PARPBP: variants seen among roughly 807,000 people sequenced by gnomAD.
PARPBP encodes PARP1 binding protein, also known as PCNA-interacting partner.
PARPBP carries 52 observed loss-of-function variants against 50.0 expected under a neutral mutation model. The ratio of observed to expected loss-of-function variants is 1.04; its 90% CI spans 0.83 to 1.31. The LOEUF is 1.31. Among genes scored for constraint, PARPBP ranks in the 50% most tolerant of loss-of-function variants. The pLI, the probability that PARPBP is intolerant of heterozygous loss-of-function variation, is 0.00. For synonymous variants in PARPBP, 244 were observed against 232.1 expected, an observed-to-expected ratio of 1.05 and a Z score of -0.47; for missense variants, 697 against 672.0, an observed-to-expected ratio of 1.04 and a Z score of -0.41.
At chr12:102,140,689 G>T (rs989206626) in intron 2 of PARPBP, among the ~76,000 whole-genome samples, 1 of 152,114 alleles carries the variant, frequency 6.6e-6, no homozygotes, top group Non-Finnish European at 1.5e-5. Flanking sequence ...TTGTGTCTTT[G>T]TTCTTATTGG....
intron 2 of PARPBP, among the ~76,000 whole-genome samples, chr12:102,143,237 A>T (rs1884893018): frequency 6.6e-6 from 1 of 152,126 alleles, no homozygotes; most frequent in South Asian, 2.1e-4. Flanking sequence ...TCTCAGACTA[A>T]TGTGCTAGCA....
At chr12:102,142,349 G>A (rs182430932) in intron 2 of PARPBP, among the ~76,000 whole-genome samples, 5 of 152,198 alleles carry the variant, frequency 3.3e-5, no homozygotes, top group South Asian at 4.2e-4. Flanking sequence ...GTCATTTAAG[G>A]TATTCTCTAC....
chr12:102,169,940 A>G (rs1212932753), intron 6 of PARPBP, among the ~76,000 whole-genome samples: 2 of 152,196 alleles, frequency 1.3e-5, no homozygotes, highest in African/African-American at 4.8e-5. Flanking sequence ...GTATCTGAGG[A>G]AAAGTTTATA....
intron 2 of PARPBP, among the ~76,000 whole-genome samples, chr12:102,136,946 G>GT (rs1050866066): frequency 1.8e-4 from 27 of 151,398 alleles, no homozygotes; most frequent in African/African-American, 5.3e-4. Flanking sequence ...TTTGTTTTGT[G>GT]TTTTTTTTGT....
intron 2 of PARPBP, among the ~76,000 whole-genome samples, chr12:102,135,899 T>C (rs577272083): frequency 1.1e-4 from 16 of 152,324 alleles, no homozygotes; most frequent in African/African-American, 3.6e-4. Context: ...CTTTTCTCCA[T>C]TTTACCTACT....
At chr12:102,122,835 T>C (rs774441072) in intron 1 of PARPBP, among the ~76,000 whole-genome samples, 3 of 152,364 alleles carry the variant, frequency 2.0e-5, no homozygotes, top group Non-Finnish European at 2.9e-5. Context: ...TGGACACTTA[T>C]GACAGTCGAG....
At chr12:102,120,894 T>C (rs1473950804) in intron 1 of PARPBP, among the ~76,000 whole-genome samples, 1 of 152,102 alleles carries the variant, frequency 6.6e-6, no homozygotes, top group African/African-American at 2.4e-5. Context: ...GACTCGGAAG[T>C]GTAGTTCTTT....
At chr12:102,138,738 A>G (rs920363461) in intron 2 of PARPBP, among the ~76,000 whole-genome samples, 2 of 152,210 alleles carry the variant, frequency 1.3e-5, no homozygotes, top group African/African-American at 2.4e-5. Context: ...CATTTATTAA[A>G]TAGGGAATCT....
At chr12:102,180,683 T>G (rs2136905782) in intron 8 of PARPBP, among the ~76,000 whole-genome samples, 1 of 152,316 alleles carries the variant, frequency 6.6e-6, no homozygotes, top group Middle Eastern at 3.4e-3. Context: ...ATTGCACCAC[T>G]GCACTCTCTC....
At chr12:102,164,826 A>G (rs1887973724) in intron 5 of PARPBP, 2 of 577,006 alleles carry the variant, frequency 3.5e-6, no homozygotes, top group South Asian at 4.1e-5. Context: ...TGTTCTGTAT[A>G]GTGCTAGCCC....
intron 3 of PARPBP, 187 bp downstream of exon 3, chr12:102,148,650 C>T: frequency 2.2e-6 from 1 of 444,566 alleles, no homozygotes; most frequent in Non-Finnish European, 3.9e-6. Context: ...GGTAAATTTT[C>T]TTGGACTTGT....
chr12:102,172,900 C>T (rs889088706), intron 6 of PARPBP, among the ~76,000 whole-genome samples: 5 of 152,172 alleles, frequency 3.3e-5, no homozygotes, highest in African/African-American at 1.2e-4. Flanking sequence ...GGCTACATTT[C>T]ATCCAGTTCA....
intron 4 of PARPBP, among the ~76,000 whole-genome samples, chr12:102,159,435 A>G (rs568971977): frequency 1.2e-4 from 18 of 152,294 alleles, no homozygotes; most frequent in South Asian, 6.2e-4. Flanking sequence ...CTGGAAGTCA[A>G]TGTAGCTCTA....
chr12:102,121,138 CCACGTGTAAGG>C (rs555425182), intron 1 of PARPBP, among the ~76,000 whole-genome samples: 18 of 152,246 alleles, frequency 1.2e-4, no homozygotes, highest in African/African-American at 3.1e-4. Context: ...CACCTAGGAA[CCACGTGTAAGG>C]CTTATGGCAT....
chr12:102,125,312 A>C (rs1398876693), intron 2 of PARPBP, among the ~76,000 whole-genome samples: 3 of 152,212 alleles, frequency 2.0e-5, no homozygotes, highest in African/African-American at 4.8e-5. Flanking sequence ...AGTGTTATTA[A>C]TATGTACATA....
At chr12:102,157,586 ACTT>A (rs1419893816) in intron 4 of PARPBP, among the ~76,000 whole-genome samples, 2 of 152,154 alleles carry the variant, frequency 1.3e-5, no homozygotes, top group Non-Finnish European at 2.9e-5. Flanking sequence ...CCTAAGAAAT[ACTT>A]CTTAACTGAT....
Position 102,123,927 on chromosome 12 carries a change from TAAAG to T in PARPBP, c.41_44del (p.Lys14SerfsTer51). The T allele has an allele frequency of 2.0e-6, 3 of 1,535,298 alleles. No homozygotes were observed. The East Asian group carries it at 7.3e-5, about 38-fold the overall frequency. On this transcript the variant is annotated frameshift_variant, in exon 2 of 11. Transcript: ENST00000327680. LOFTEE classifies it high-confidence loss of function. ...ATCAGAAGTCTGTCTCGGATATGAT[TAAAG>T]AGTTTCGAAAAAATTGGCGTGCTCT...
intron 9 of PARPBP, among the ~76,000 whole-genome samples, chr12:102,185,741 C>T (rs11111197): frequency 0.19 from 28,667 of 151,928 alleles, 2,750 homozygotes; most frequent in Non-Finnish European, 0.21. Context: ...TCACTGTAAC[C>T]TTCTGTGTTT....
At chr12:102,144,074 T>C (rs1885032083) in intron 2 of PARPBP, among the ~76,000 whole-genome samples, 1 of 152,220 alleles carries the variant, frequency 6.6e-6, no homozygotes, top group African/African-American at 2.4e-5. Flanking sequence ...TTAATCTGTG[T>C]AATCTCATTT....
Sources: allele counts gnomAD v4.1 joint callset (sites outside exome capture counted in the v4.1 genomes callset), GRCh38; gene constraint gnomAD v4.1.1; transcripts MANE v1.5; gene names NCBI Gene and HGNC (gene_info 2026-07-23, HGNC 2026-07-21).